OR10G7: variants seen among roughly 807,000 people sequenced by gnomAD.
OR10G7 encodes olfactory receptor 10G7.
For synonymous variants in OR10G7, 165 were observed against 167.4 expected (o/e 0.99, Z 0.11); for missense variants, 338 against 382.1 (o/e 0.88, Z 0.96).
rs750019130 is a variant in OR10G7 at position 124,036,368 on chromosome 11, C to G, written c.*1698G>C. ...TGAATCCTTTAGCATCTTTCCAAGTCAAAACTAATAATGAATCTCTCCTTG... is the reference window on the plus strand; with the variant it reads ...TGAATCCTTTAGCATCTTTCCAAGTGAAAACTAATAATGAATCTCTCCTTG... On this transcript the variant is annotated 3_prime_UTR_variant, in exon 2 of 2. Transcript: ENST00000641585. The G allele has an allele frequency of 2.6e-5, 4 of 152,114 alleles. No homozygotes were observed. The highest frequency in any genetic ancestry group is 5.9e-5 in the Non-Finnish European group (4 of 68,012). The allele number at this position is 152,114 out of a possible 1,614,324, so 9.4% of individuals were successfully genotyped here.
rs1864203629 is a variant in OR10G7, at chr11:124,037,828, A to G, written c.*238T>C. On this transcript the variant is annotated 3_prime_UTR_variant, in exon 2 of 2. Coordinates refer to ENST00000641585, the MANE Select transcript of OR10G7 (RefSeq NM_001004463.2). ...AATAAATTACTTTTCTGATTACTTA[A>G]TGGAACGTGAAAAGAATAGACTATT... 3.4e-6 allele frequency: 1 copy of G among 289,892 alleles called. No individual in the cohort carries two copies. The highest frequency in any genetic ancestry group is 1.3e-4 in the South Asian group (1 of 7,914). The allele number at this position is 289,892 out of a possible 1,614,324, so 18.0% of individuals were successfully genotyped here. A position where few individuals can be genotyped will look rare whatever the true frequency, so the allele number is the denominator to read the frequency against.
intron 1 of OR10G7, among the ~76,000 whole-genome samples, chr11:124,039,821 C>T (rs544230356): frequency 1.7e-4 from 26 of 152,140 alleles, no homozygotes; most frequent in Non-Finnish European, 3.1e-4. Flanking sequence ...GGAGTGGGAA[C>T]CCTATTGTGA....
chr11:124,039,030 A>T lies in OR10G7; in HGVS notation c.-20-9T>A, dbSNP rs1864222748. The T allele has an allele frequency of 6.9e-6, 11 of 1,599,198 alleles. No homozygotes were observed. Among genetic ancestry groups the T allele is most frequent in the Non-Finnish European group, 8.5e-6 (10 of 1,170,388 alleles). On this transcript the variant is annotated splice_polypyrimidine_tract_variant and intron_variant, in intron 1 of 1. Coordinates refer to ENST00000641585, the MANE Select transcript of OR10G7 (RefSeq NM_001004463.2). The stretch of plus-strand genomic sequence containing the variant: ...TTCTCATATATGGGGCTCTGTTCTT[A>T]CAGAAAGGAAGGGAGATAGCATTTA...
Position 124,038,717 on chromosome 11 carries a change from G to T in OR10G7, c.285C>A (p.Ser95Arg), listed in dbSNP as rs1864217118. 1 of 1,613,930 alleles carries T rather than the reference G, an allele frequency of 6.2e-7. No homozygotes were observed. Among genetic ancestry groups the T allele is most frequent in the South Asian group, 1.1e-5 (1 of 91,088 alleles). ...SPSGRTISFH[S>R]CVAQLYFFHF... is the part of the protein sequence containing the mutation. ...GGAAAAAATAGAGCTGAGCCACGCAGCTGTGGAAGGAGATAGTCCTGCCGC... is the reference window on the plus strand; with the variant it reads ...GGAAAAAATAGAGCTGAGCCACGCATCTGTGGAAGGAGATAGTCCTGCCGC... Residue 95 changes from serine (S) to arginine (R), a missense_variant, in exon 2 of 2, where the codon AGC becomes AGA. Ser to Arg is a moderately radical substitution (Grantham distance 110). Transcript: ENST00000641585.
chr11:124,037,671 C>T lies in OR10G7; in HGVS notation c.*395G>A, dbSNP rs1451060805. 1.3e-5 allele frequency: 2 copies of T among 151,998 alleles called. No homozygotes were observed. The highest frequency in any genetic ancestry group is 6.6e-5 in the Admixed American group (1 of 15,258). 9.4% of individuals were successfully genotyped at this position (151,998 alleles called of 1,614,324 possible). A position where few individuals can be genotyped will look rare whatever the true frequency, so the allele number is the denominator to read the frequency against. On this transcript the variant is annotated 3_prime_UTR_variant, in exon 2 of 2. Transcript: ENST00000641585. ...TAAATTATGTAGTTATTTATGAATG[C>T]TATAATGAATTTTTCAATATAGAAA...
At position 124,036,119 on chromosome 11, in the gene OR10G7, C is replaced by T. The variant is rs536811417; in HGVS notation, c.*1947G>A. On this transcript the variant is annotated 3_prime_UTR_variant, in exon 2 of 2. Coordinates refer to ENST00000641585, the MANE Select transcript of OR10G7 (RefSeq NM_001004463.2). Reference sequence around the variant, plus strand: ...TGTGGATTATAATAATGTCAATATCCCAGTTGTGATATTGCACTACAATTT... The same window carrying T: ...TGTGGATTATAATAATGTCAATATCTCAGTTGTGATATTGCACTACAATTT... 1 of 151,990 alleles carries T rather than the reference C, an allele frequency of 6.6e-6. No homozygotes were observed. The highest frequency in any genetic ancestry group is 1.5e-5 in the Non-Finnish European group (1 of 67,996). The allele number at this position is 151,990 out of a possible 1,614,324, so 9.4% of individuals were successfully genotyped here. A position where few individuals can be genotyped will look rare whatever the true frequency, so the allele number is the denominator to read the frequency against.
At chr11:124,039,357 T>C (rs1050452619) in intron 1 of OR10G7, among the ~76,000 whole-genome samples, 1 of 152,088 alleles carries the variant, frequency 6.6e-6, no homozygotes, top group Non-Finnish European at 1.5e-5. Context: ...GGGATAAGCC[T>C]TTATTCAAGC....
Sources: allele counts gnomAD v4.1 joint callset (sites outside exome capture counted in the v4.1 genomes callset), GRCh38; gene constraint gnomAD v4.1.1; transcripts MANE v1.5; gene names NCBI Gene and HGNC (gene_info 2026-07-23, HGNC 2026-07-21).